COL28A1: variants seen among roughly 807,000 people sequenced by gnomAD.
The protein encoded by COL28A1 is collagen type XXVIII alpha 1 chain, also known as collagen alpha-1(XXVIII) chain.
A neutral mutation model predicts 150.2 loss-of-function variants in COL28A1; 161 were observed. The ratio of observed to expected loss-of-function variants is 1.07; its 90% CI spans 0.94 to 1.22. COL28A1 has a LOEUF of 1.22. Ranked by LOEUF, COL28A1 falls within the 50% of genes most tolerant of loss-of-function variation. COL28A1 has a pLI of 0.00. For synonymous variants in COL28A1, 552 were observed against 469.7 expected, an observed-to-expected ratio of 1.18 and a Z score of -2.26; for missense variants, 1,617 against 1,388.3, an observed-to-expected ratio of 1.16 and a Z score of -2.62.
chr7:7,505,713 C>A (rs1338368841), intron 11 of COL28A1, among the ~76,000 whole-genome samples: 1 of 152,062 alleles, frequency 6.6e-6, no homozygotes, highest in African/African-American at 2.4e-5. Flanking sequence ...TTTTTGGTTT[C>A]TAATGAGCCA....
At chr7:7,372,948 T>C in intron 32 of COL28A1, 50 bp downstream of exon 32, 1 of 1,507,048 alleles carries the variant, frequency 6.6e-7, no homozygotes, top group Non-Finnish European at 9.1e-7. Flanking sequence ...ATATGGTACT[T>C]AGAGGAACAA....
intron 27 of COL28A1, among the ~76,000 whole-genome samples, chr7:7,399,692 T>C (rs1442746428): frequency 6.6e-6 from 1 of 152,206 alleles, no homozygotes; most frequent in East Asian, 1.9e-4. Flanking sequence ...GAATTCGTTA[T>C]GTGGGTCAAT....
chr7:7,418,019 C>T, intron 26 of COL28A1, 92 bp from the exon 27 acceptor site: 1 of 1,013,000 alleles, frequency 9.9e-7, no homozygotes, highest in Non-Finnish European at 1.5e-6. Flanking sequence ...TGCATTCTTA[C>T]TTCAGTCTGA....
At chr7:7,492,439 G>C (rs892039320) in intron 11 of COL28A1, among the ~76,000 whole-genome samples, 1 of 150,002 alleles carries the variant, frequency 6.7e-6, no homozygotes, top group African/African-American at 2.5e-5. Flanking sequence ...AAAAAAATTA[G>C]CTGGGCCTGG....
the COL28A1 span, among the ~76,000 whole-genome samples, chr7:7,542,385 A>C: frequency 1.3e-5 from 2 of 152,208 alleles, no homozygotes; most frequent in South Asian, 4.1e-4. Context: ...GTAGATGGGT[A>C]GATTATGCAA....
At chr7:7,456,744 C>T (rs1406701529) in intron 15 of COL28A1, among the ~76,000 whole-genome samples, 2 of 152,192 alleles carry the variant, frequency 1.3e-5, no homozygotes, top group African/African-American at 2.4e-5. Flanking sequence ...AGGAAAACAA[C>T]AGTGACCAAA....
At chr7:7,428,171 A>G (rs1337928736) in intron 25 of COL28A1, among the ~76,000 whole-genome samples, 7 of 152,166 alleles carry the variant, frequency 4.6e-5, no homozygotes, top group African/African-American at 1.7e-4. Context: ...AACAACAACA[A>G]TCCAACAAGT....
At chr7:7,431,244 A>G in intron 25 of COL28A1, 1 of 182,418 alleles carries the variant, frequency 5.5e-6, no homozygotes, top group South Asian at 1.1e-4. Flanking sequence ...TCATTTATTC[A>G]TTTTCCATTC....
chr7:7,480,148 A>G (rs1463960891), intron 13 of COL28A1, among the ~76,000 whole-genome samples: 1 of 152,202 alleles, frequency 6.6e-6, no homozygotes, highest in Non-Finnish European at 1.5e-5. Context: ...CAGAACGAGG[A>G]TGCAGCATTA....
chr7:7,472,824 C>T (rs573196410), intron 15 of COL28A1, among the ~76,000 whole-genome samples: 6 of 152,242 alleles, frequency 3.9e-5, no homozygotes, highest in Middle Eastern at 3.4e-3. Flanking sequence ...ATAAAATAGG[C>T]ACATAGACCA....
intron 13 of COL28A1, among the ~76,000 whole-genome samples, chr7:7,486,129 C>A (rs1445104048): frequency 6.6e-6 from 1 of 152,110 alleles, no homozygotes; most frequent in Admixed American, 6.5e-5. Flanking sequence ...TTTCTTTCAT[C>A]AGTGTTTTGT....
chr7:7,482,986 C>T (rs779121915), intron 13 of COL28A1, among the ~76,000 whole-genome samples: 24 of 152,232 alleles, frequency 1.6e-4, no homozygotes, highest in Admixed American at 9.2e-4. Context: ...CTTTGGCTCA[C>T]GCAATGGAAA....
At chr7:7,417,595 A>G in intron 27 of COL28A1, 1 of 373,948 alleles carries the variant, frequency 2.7e-6, no homozygotes, top group East Asian at 6.2e-5. Context: ...TCTCCATTCA[A>G]TTCACAAAGA....
At chr7:7,527,837 A>G (rs2115238519) in intron 3 of COL28A1, among the ~76,000 whole-genome samples, 1 of 152,290 alleles carries the variant, frequency 6.6e-6, no homozygotes, top group East Asian at 1.9e-4. Flanking sequence ...GGGGACAGAA[A>G]ACATGTGAGG....
intron 25 of COL28A1, among the ~76,000 whole-genome samples, chr7:7,420,479 C>T (rs571526244): frequency 9.6e-4 from 146 of 152,302 alleles, no homozygotes; most frequent in Middle Eastern, 6.8e-3. Flanking sequence ...GGGTAGGTGA[C>T]GCCCTGTGGC....
chr7:7,541,178 T>A, the COL28A1 span, among the ~76,000 whole-genome samples: 1 of 152,184 alleles, frequency 6.6e-6, no homozygotes, highest in Non-Finnish European at 1.5e-5. Context: ...AATAGGGTCA[T>A]CTGTTTTTTT....
At position 7,531,461 on chromosome 7, in the gene COL28A1, G is replaced by A; in HGVS notation, c.568C>T (p.Leu190Phe). Residue 190 changes from leucine to phenylalanine, a missense_variant, in exon 3 of 35, where the codon CTT (leucine) becomes TTT (phenylalanine). Physicochemically the swap from Leu to Phe is conservative, Grantham distance 22 (BLOSUM62 0). Coordinates refer to ENST00000399429, the MANE Select transcript of COL28A1 (RefSeq NM_001037763.3). Reference sequence around the variant, plus strand: ...TTGGCTTCATTGACTACCGTAGAAAGTGCAATGGTGATAAATGATATTCCT... The same window carrying A: ...TTGGCTTCATTGACTACCGTAGAAAATGCAATGGTGATAAATGATATTCCT... ...ISGISFITIA[L>F]STVVNEAKLR... 6.3e-7 allele frequency: 1 copy of A among 1,596,206 alleles called. No individual in the cohort carries two copies.
intron 14 of COL28A1, among the ~76,000 whole-genome samples, chr7:7,475,497 C>T (rs1449742068): frequency 2.0e-5 from 3 of 152,112 alleles, no homozygotes; most frequent in Non-Finnish European, 4.4e-5. Context: ...TGTGTTCTTT[C>T]TTTGATGAGA....
intron 26 of COL28A1, among the ~76,000 whole-genome samples, chr7:7,418,365 G>A (rs1784217857): frequency 1.3e-5 from 2 of 152,170 alleles, no homozygotes; most frequent in South Asian, 4.1e-4. Flanking sequence ...AAGATCCAGT[G>A]GATATCAATG....
Sources: gnomAD v4.1 joint callset for allele counts (sites outside exome capture counted in the v4.1 genomes callset) on GRCh38, gnomAD v4.1.1 for gene constraint, MANE v1.5 for transcripts, NCBI Gene and HGNC (gene_info 2026-07-23, HGNC 2026-07-21) for gene names.